The following DCDC1 variants were observed in gnomAD, a reference collection of about 807,000 sequenced individuals.
The protein encoded by DCDC1 is doublecortin domain-containing protein 1.
In DCDC1, 200 loss-of-function variants were observed where a neutral mutation model predicts 178.3. That is an observed-to-expected ratio of 1.12 (90% confidence interval 1.00 to 1.26). The LOEUF (loss-of-function observed/expected upper bound fraction) is 1.26, where lower values mean the gene tolerates loss of function less well. Among genes scored for constraint, DCDC1 ranks in the 50% most tolerant of loss-of-function variants. DCDC1 has a pLI of 0.00. For missense variants in DCDC1, 1,983 were observed against 1,749.2 expected (o/e 1.13, Z -2.38); for synonymous variants, 690 against 604.8 (o/e 1.14, Z -2.07).
At position 31,025,714 on chromosome 11, in the gene DCDC1, G is replaced by GT. The variant is rs934305575; in HGVS notation, c.2591+38754dup. Among the ~76,000 whole-genome samples the GT allele has an allele frequency of 1.8e-4, 28 of 151,828 alleles. No individual in the cohort carries two copies. In the East Asian group the frequency reaches 4.2e-3, roughly 23 times the overall value. The stretch of plus-strand genomic sequence containing the variant: ...AATTGGAATAGGTAATAAAATGTTT[G>GT]TTTTTTCAATTTTAAGGTCATAAAA... On this transcript the variant is annotated intron_variant, in intron 20 of 38. Coordinates refer to ENST00000684477, the MANE Select transcript of DCDC1 (RefSeq NM_001387274.1).
intron 29 of DCDC1, among the ~76,000 whole-genome samples, chr11:30,908,701 T>C (rs1945245115): frequency 6.6e-6 from 1 of 152,158 alleles, no homozygotes; most frequent in Non-Finnish European, 1.5e-5. Flanking sequence ...TTAGAATATG[T>C]ATGAAAATTT....
At chr11:31,243,473 A>G (rs1591521884) in intron 8 of DCDC1, among the ~76,000 whole-genome samples, 1 of 151,860 alleles carries the variant, frequency 6.6e-6, no homozygotes, top group East Asian at 1.9e-4. Flanking sequence ...TACACCCTAG[A>G]GTTAATCTTG....
At chr11:30,956,992 G>T (rs1459103231) in intron 20 of DCDC1, among the ~76,000 whole-genome samples, 1 of 152,086 alleles carries the variant, frequency 6.6e-6, no homozygotes, top group African/African-American at 2.4e-5. Flanking sequence ...AAATAGAAGT[G>T]GTCAGAAGAC....
At chr11:31,302,384 G>A (rs1230179324) in intron 6 of DCDC1, among the ~76,000 whole-genome samples, 1 of 152,068 alleles carries the variant, frequency 6.6e-6, no homozygotes, top group Non-Finnish European at 1.5e-5. Context: ...ACATGGCCAT[G>A]AATCAGAAAA....
intron 20 of DCDC1, among the ~76,000 whole-genome samples, chr11:30,978,647 G>A (rs1405503784): frequency 6.6e-6 from 1 of 152,052 alleles, no homozygotes; most frequent in Non-Finnish European, 1.5e-5. Flanking sequence ...CCTTTTAGCT[G>A]TTTTGAAATA....
At chr11:30,994,156 C>T (rs1033598939) in intron 20 of DCDC1, among the ~76,000 whole-genome samples, 1 of 152,002 alleles carries the variant, frequency 6.6e-6, no homozygotes, top group East Asian at 1.9e-4. Context: ...ATTTGAAAAT[C>T]AATTAATGTA....
At chr11:31,267,954 T>C (rs540431799) in intron 7 of DCDC1, among the ~76,000 whole-genome samples, 32 of 152,282 alleles carry the variant, frequency 2.1e-4, no homozygotes, top group Non-Finnish European at 3.4e-4. Flanking sequence ...ACCACTCTCA[T>C]TGACAAAAAT....
chr11:31,085,902 A>C (rs1029414889), intron 17 of DCDC1, among the ~76,000 whole-genome samples: 2 of 151,896 alleles, frequency 1.3e-5, no homozygotes, highest in African/African-American at 2.4e-5. Context: ...AAAAATTTTT[A>C]ATTTTTGTAG....
intron 9 of DCDC1, among the ~76,000 whole-genome samples, chr11:31,222,382 A>T (rs1200169068): frequency 6.6e-6 from 1 of 152,098 alleles, no homozygotes; most frequent in African/African-American, 2.4e-5. Context: ...TTCTAATAAC[A>T]TCTTGCTTAT....
intron 34 of DCDC1, among the ~76,000 whole-genome samples, chr11:30,899,268 C>G (rs907971092): frequency 6.6e-6 from 1 of 152,038 alleles, no homozygotes; most frequent in African/African-American, 2.4e-5. Context: ...GTTTCTCTTG[C>G]CCAGGTATCC....
At chr11:31,285,809 CATATAA>C (rs951466402) in intron 7 of DCDC1, among the ~76,000 whole-genome samples, 3 of 152,178 alleles carry the variant, frequency 2.0e-5, no homozygotes, top group East Asian at 1.9e-4. Flanking sequence ...AATATGCTCA[CATATAA>C]ATATAAAGGG....
At chr11:31,159,560 G>A (rs962212572) in intron 9 of DCDC1, among the ~76,000 whole-genome samples, 1 of 152,182 alleles carries the variant, frequency 6.6e-6, no homozygotes, top group Non-Finnish European at 1.5e-5. Context: ...AGGTCATAGA[G>A]TCAAACACTA....
intron 20 of DCDC1, among the ~76,000 whole-genome samples, chr11:30,970,776 C>A (rs1949731755): frequency 6.6e-6 from 1 of 152,240 alleles, no homozygotes; most frequent in Non-Finnish European, 1.5e-5. Flanking sequence ...CCCAACTCAA[C>A]CTTTTCATCA....
chr11:31,239,143 C>T (rs181940142), intron 9 of DCDC1, among the ~76,000 whole-genome samples: 7 of 152,000 alleles, frequency 4.6e-5, no homozygotes, highest in Admixed American at 1.3e-4. Flanking sequence ...TCTAATCATA[C>T]GATTTATAAA....
intron 34 of DCDC1, among the ~76,000 whole-genome samples, chr11:30,896,044 C>G (rs759132633): frequency 6.6e-6 from 1 of 152,024 alleles, no homozygotes; most frequent in African/African-American, 2.4e-5. Context: ...TTGCTTCTAA[C>G]GGTCTTAAGA....
chr11:31,121,826 ATT>A (rs1477434089), intron 11 of DCDC1, among the ~76,000 whole-genome samples: 1 of 152,042 alleles, frequency 6.6e-6, no homozygotes. Context: ...ATCCCCATTT[ATT>A]TTTTGTCAAA....
Position 30,917,430 on chromosome 11 carries a change from C to T in DCDC1, c.3294-402G>A, listed in dbSNP as rs550062103. On this transcript the variant is annotated intron_variant, in intron 25 of 38. Coordinates refer to ENST00000684477, the MANE Select transcript of DCDC1 (RefSeq NM_001387274.1). ...CTGGAACAGTACAGCCTAGATTACC[C>T]GGTTTTGTAAAGTTTACTCATTAGA... Among the ~76,000 whole-genome samples the T allele has an allele frequency of 1.1e-4, 17 of 152,240 alleles. No homozygotes were observed. In the East Asian group the frequency reaches 2.7e-3, roughly 24 times the overall value.
intron 21 of DCDC1, chr11:30,943,420 T>A (rs1186187350): frequency 3.8e-6 from 1 of 261,666 alleles, no homozygotes; most frequent in African/African-American, 2.3e-5. Flanking sequence ...AGTAATAAAC[T>A]TTTAGCTTTG....
chr11:30,883,449 T>C (rs1427819711), intron 36 of DCDC1: 1 of 458,780 alleles, frequency 2.2e-6, no homozygotes, highest in Middle Eastern at 3.4e-4. Context: ...CCTTAAGCAG[T>C]TATCAAAAAA....
Sources: allele counts gnomAD v4.1 joint callset (sites outside exome capture counted in the v4.1 genomes callset), GRCh38; gene constraint gnomAD v4.1.1; transcripts MANE v1.5; gene names NCBI Gene and HGNC (gene_info 2026-07-23, HGNC 2026-07-21).